The following NOL10 variants were observed in gnomAD, a reference collection of about 807,000 sequenced individuals.
The protein encoded by NOL10 is nucleolar protein 10.
NOL10 carries 58 observed loss-of-function variants against 103.5 expected under a neutral mutation model. That is an observed-to-expected ratio of 0.56 (90% CI 0.45 to 0.70). The LOEUF is 0.70. Ranked by LOEUF, NOL10 falls within the 30% of genes least tolerant of loss-of-function variation. The probability of loss-of-function intolerance (pLI) is 0.00; values close to 1 mark genes in which losing one functional copy is unlikely to be tolerated. For missense variants in NOL10, 763 were observed against 807.3 expected (o/e 0.95, Z 0.67); for synonymous variants, 287 against 282.5 (o/e 1.02, Z -0.16).
chr2:10,614,023 G>A (rs1015637187), intron 13 of NOL10, among the ~76,000 whole-genome samples: 2 of 150,760 alleles, frequency 1.3e-5, no homozygotes, highest in African/African-American at 4.9e-5. Context: ...GCAGTGCCAC[G>A]ATCTCAGCTC....
In NOL10 at chr2:10,587,208, T is replaced by TATATAC. The variant is rs1208576308; in HGVS notation, c.1844+1834_1844+1835insGTATAT. On this transcript the variant is annotated intron_variant, in intron 19 of 20. Coordinates refer to ENST00000381685, the MANE Select transcript of NOL10 (RefSeq NM_024894.4). ...ATATATATACACATATATATACACA[T>TATATAC]ATATATATACATATATATACATATA... Among the ~76,000 whole-genome samples, 26 of 37,592 alleles carry TATATAC rather than the reference T, an allele frequency of 6.9e-4. 7 individuals carry two copies. Among genetic ancestry groups the TATATAC allele is most frequent in the Admixed American group, 2.2e-3 (7 of 3,158 alleles). The allele number at this position is 37,592 out of a possible 152,430, so 24.7% of individuals were successfully genotyped here.
At chr2:10,628,586 T>A (rs1022600065) in intron 13 of NOL10, among the ~76,000 whole-genome samples, 2 of 152,104 alleles carry the variant, frequency 1.3e-5, no homozygotes, top group Admixed American at 1.3e-4. Flanking sequence ...GGTTCTAAAG[T>A]CAAGCAGATA....
At chr2:10,638,024 G>A (rs115897461) in intron 13 of NOL10, among the ~76,000 whole-genome samples, 4,001 of 152,316 alleles carry the variant, frequency 0.026, 107 homozygotes, top group Admixed American at 0.078. Context: ...ACTTACACCT[G>A]TAATCCCAAC....
chr2:10,679,626 C>T (rs1023242188), intron 3 of NOL10, among the ~76,000 whole-genome samples: 4 of 97,278 alleles, frequency 4.1e-5, no homozygotes, highest in Non-Finnish European at 9.1e-5. Context: ...CTCTTTCTCT[C>T]TCTTTCTTTC....
chr2:10,681,421 C>T (rs1009294568), intron 3 of NOL10, among the ~76,000 whole-genome samples: 1 of 151,950 alleles, frequency 6.6e-6, no homozygotes, highest in Non-Finnish European at 1.5e-5. Flanking sequence ...ACAGGCTAAA[C>T]TTGTCTATAT....
At chr2:10,622,285 C>CA (rs1558297082) in intron 13 of NOL10, 22 of 414,378 alleles carry the variant, frequency 5.3e-5, no homozygotes, top group South Asian at 1.8e-5. Flanking sequence ...ATATTGTGAT[C>CA]AAAAAAACCT....
At chr2:10,689,633 G>A (rs1426834201) in intron 1 of NOL10, among the ~76,000 whole-genome samples, 163 bp downstream of exon 1, 1 of 152,196 alleles carries the variant, frequency 6.6e-6, no homozygotes, top group Non-Finnish European at 1.5e-5. Flanking sequence ...TCCCAATGCC[G>A]ACACCTCCCC....
chr2:10,681,033 C>G (rs1681720389), intron 3 of NOL10, among the ~76,000 whole-genome samples: 1 of 152,146 alleles, frequency 6.6e-6, no homozygotes, highest in Non-Finnish European at 1.5e-5. Context: ...GATATGATCA[C>G]TTTGGGGAAC....
chr2:10,585,151 C>T (rs1319369604), intron 19 of NOL10, among the ~76,000 whole-genome samples: 5 of 152,218 alleles, frequency 3.3e-5, no homozygotes, highest in Non-Finnish European at 5.9e-5. Flanking sequence ...AAGTATTTCT[C>T]AAGTGCCCAC....
At chr2:10,576,849 T>G (rs138510980) in intron 20 of NOL10, among the ~76,000 whole-genome samples, 73 of 152,262 alleles carry the variant, frequency 4.8e-4, no homozygotes, top group African/African-American at 1.8e-3. Flanking sequence ...TTTAAAAGGA[T>G]GCATATGGTC....
chr2:10,673,475 C>T (rs763452641), intron 5 of NOL10, 45 bp downstream of exon 5: 2 of 1,236,054 alleles, frequency 1.6e-6, no homozygotes, highest in South Asian at 1.8e-5. Flanking sequence ...TCCACTCACT[C>T]ATTTCTTGGG....
intron 13 of NOL10, among the ~76,000 whole-genome samples, chr2:10,630,052 G>GT (rs1169373831): frequency 3.9e-5 from 6 of 152,074 alleles, no homozygotes; most frequent in Non-Finnish European, 8.8e-5. Flanking sequence ...TCCTCCCAAA[G>GT]TACTGGGATT....
intron 9 of NOL10, among the ~76,000 whole-genome samples, chr2:10,662,367 A>G (rs1680267166): frequency 6.6e-6 from 1 of 152,210 alleles, no homozygotes; most frequent in African/African-American, 2.4e-5. Flanking sequence ...AGAGTGAGCA[A>G]TGTATGCTCT....
At position 10,571,949 on chromosome 2, in the gene NOL10, T is replaced by C; in HGVS notation, c.*122A>G. On this transcript the variant is annotated 3_prime_UTR_variant, in exon 21 of 21. Coordinates refer to ENST00000381685, the MANE Select transcript of NOL10 (RefSeq NM_024894.4). ...ACAGGTTTTCAAATCTTTACCTCTG[T>C]GTACAAGAACGTACATGAACTTTAA... 1.7e-6 allele frequency: 2 copies of C among 1,205,276 alleles called. No homozygotes were observed. The highest frequency in any genetic ancestry group is 2.4e-5 in the East Asian group (1 of 42,290). 74.7% of individuals were successfully genotyped at this position (1,205,276 alleles called of 1,614,324 possible).
chr2:10,651,615 C>A (rs1325286702), intron 12 of NOL10, among the ~76,000 whole-genome samples: 1 of 152,078 alleles, frequency 6.6e-6, no homozygotes, highest in Non-Finnish European at 1.5e-5. Context: ...GGCTACCAAA[C>A]TGTACAGCCC....
chr2:10,684,530 C>T, intron 2 of NOL10, 37 bp downstream of exon 2: 1 of 1,498,812 alleles, frequency 6.7e-7, no homozygotes, highest in Non-Finnish European at 9.1e-7. Flanking sequence ...GAACATGGAT[C>T]ACTAACGCAG....
At chr2:10,632,803 TTAAAA>T (rs1355445460) in intron 13 of NOL10, among the ~76,000 whole-genome samples, 2 of 152,148 alleles carry the variant, frequency 1.3e-5, no homozygotes, top group African/African-American at 4.8e-5. Context: ...ACAGGTTAAA[TTAAAA>T]TGTGAAATTT....
At chr2:10,580,934 A>C (rs1340386890) in intron 19 of NOL10, among the ~76,000 whole-genome samples, 1 of 152,218 alleles carries the variant, frequency 6.6e-6, no homozygotes, top group East Asian at 1.9e-4. Context: ...GGAATAAACT[A>C]GAAAATGGAG....
rs1477617048 is a variant in NOL10 at position 10,589,601 on chromosome 2, C to G, written c.1573G>C (p.Glu525Gln). 4 of 1,582,228 alleles carry G rather than the reference C, an allele frequency of 2.5e-6. No individual in the cohort carries two copies. The East Asian group carries it at 9.0e-5, about 36-fold the overall frequency. The change falls in exon 18 of 21, where the codon GAG becomes CAG. Residue 525 changes from glutamate (E) to glutamine (Q), a missense_variant. Coordinates refer to ENST00000381685, the MANE Select transcript of NOL10 (RefSeq NM_024894.4). Reference protein sequence around the residue: ...EKRKKKLRLLEQQELREKEEE... With the variant: ...EKRKKKLRLLQQQELREKEEE... ...ACTTTTTCACGAAGTTCTTGTTGCT[C>G]TAAGAGTCTTAGTTTCTTCTTCCTT...
Sources: allele counts gnomAD v4.1 joint callset (sites outside exome capture counted in the v4.1 genomes callset), GRCh38; gene constraint gnomAD v4.1.1; transcripts MANE v1.5; gene names NCBI Gene and HGNC (gene_info 2026-07-23, HGNC 2026-07-21).